Variants in RAB18 observed in about 807,000 individuals in gnomAD.
RAB18 encodes RAB18, member RAS oncogene family.
In RAB18, 10 loss-of-function variants were observed where a neutral mutation model predicts 28.5. The ratio of observed to expected loss-of-function variants is 0.35; its 90% CI spans 0.22 to 0.60. The LOEUF (loss-of-function observed/expected upper bound fraction) is 0.60. Ranked by LOEUF, RAB18 falls within the 20% of genes least tolerant of loss-of-function variation. The pLI is 0.78. For missense variants in RAB18, 188 were observed against 244.2 expected, an observed-to-expected ratio of 0.77 and a Z score of 1.53; for synonymous variants, 93 against 86.9, an observed-to-expected ratio of 1.07 and a Z score of -0.39.
intron 2 of RAB18, among the ~76,000 whole-genome samples, chr10:27,519,789 C>T (rs1834510167): frequency 6.6e-6 from 1 of 152,052 alleles, no homozygotes; most frequent in Non-Finnish European, 1.5e-5. Context: ...TATCAAAATC[C>T]CAGCAGGCTT....
chr10:27,518,179 A>C (rs1834476745), intron 2 of RAB18, among the ~76,000 whole-genome samples: 1 of 152,194 alleles, frequency 6.6e-6, no homozygotes, highest in Non-Finnish European at 1.5e-5. Context: ...AGTGATTATG[A>C]ATAGTCCTGT....
chr10:27,527,534 C>T (rs948527963), intron 3 of RAB18, among the ~76,000 whole-genome samples: 29 of 151,656 alleles, frequency 1.9e-4, no homozygotes, highest in Admixed American at 7.9e-4. Flanking sequence ...ATTTACCCAC[C>T]CACATACCGA....
chr10:27,526,323 T>G (rs555876859), intron 2 of RAB18, among the ~76,000 whole-genome samples: 2 of 152,298 alleles, frequency 1.3e-5, no homozygotes, highest in South Asian at 2.1e-4. Context: ...AATAAAGAGA[T>G]TATATGACAA....
intron 2 of RAB18, among the ~76,000 whole-genome samples, chr10:27,516,392 C>G (rs1834438005): frequency 6.6e-6 from 1 of 151,730 alleles, no homozygotes; most frequent in African/African-American, 2.4e-5. Flanking sequence ...CTCCCATCTC[C>G]CCTAAAAATA....
rs759348024 is a variant in RAB18, at chr10:27,541,732, A to G, written c.*3681A>G. 2.9e-5 allele frequency: 13 copies of G among 450,150 alleles called. No individual in the cohort carries two copies. The highest frequency in any genetic ancestry group is 1.9e-4 in the South Asian group (12 of 64,142). 27.9% of individuals were successfully genotyped at this position (450,150 alleles called of 1,614,324 possible). The stretch of plus-strand genomic sequence containing the variant: ...ACTAGTGAGCTTGAGTACTTTTAAT[A>G]TTTTATTGGATATGTTTGTGACTGA... On this transcript the variant is annotated 3_prime_UTR_variant, in exon 7 of 7. Transcript: ENST00000356940.
chr10:27,508,621 G>T (rs935531190), intron 1 of RAB18, among the ~76,000 whole-genome samples: 2 of 152,142 alleles, frequency 1.3e-5, no homozygotes, highest in Admixed American at 6.5e-5. Context: ...ATGTTAAGTA[G>T]ATAAATCTAG....
intron 1 of RAB18, among the ~76,000 whole-genome samples, chr10:27,507,950 G>A (rs1013795935): frequency 6.6e-6 from 1 of 151,784 alleles, no homozygotes; most frequent in Non-Finnish European, 1.5e-5. Context: ...GGCTAAGGTG[G>A]GAGGATTAGT....
chr10:27,508,459 A>T (rs1837906986), intron 1 of RAB18, among the ~76,000 whole-genome samples: 1 of 152,084 alleles, frequency 6.6e-6, no homozygotes, highest in Non-Finnish European at 1.5e-5. Context: ...TTGTAGTAAT[A>T]TTTTCTGTGG....
In RAB18 at chr10:27,538,184, C is replaced by A; in HGVS notation, c.*133C>A. 8.3e-7 allele frequency: 1 copy of A among 1,209,630 alleles called. No individual in the cohort carries two copies. The highest frequency in any genetic ancestry group is 1.2e-6 in the Non-Finnish European group (1 of 838,144). The allele number at this position is 1,209,630 out of a possible 1,614,324, so 74.9% of individuals were successfully genotyped here. ...TTTATATCATAGCAGTAAATATTTG[C>A]AAGAAATCCCACTCATCGACCCCGG... On this transcript the variant is annotated 3_prime_UTR_variant, in exon 7 of 7. Transcript: ENST00000356940.
intron 2 of RAB18, chr10:27,510,627 AAT>A (rs1834306278): frequency 6.6e-6 from 1 of 152,418 alleles, no homozygotes; most frequent in South Asian, 2.1e-4. Flanking sequence ...AGAGCTAGAT[AAT>A]AGTCTTGGTT....
intron 2 of RAB18, chr10:27,514,107 G>A (rs1327934837): frequency 6.6e-6 from 1 of 152,150 alleles, no homozygotes; most frequent in Non-Finnish European, 1.5e-5. Flanking sequence ...AGGCACTCTG[G>A]CCTTCTGCAT....
intron 3 of RAB18, among the ~76,000 whole-genome samples, chr10:27,529,177 T>C (rs1448784873): frequency 6.6e-6 from 1 of 151,420 alleles, no homozygotes; most frequent in East Asian, 1.9e-4. Flanking sequence ...ATGCTACAGA[T>C]TTTTTTTTCC....
intron 3 of RAB18, 68 bp downstream of exon 3, chr10:27,526,957 G>T (rs934638739): frequency 8.0e-6 from 12 of 1,498,032 alleles, no homozygotes; most frequent in Non-Finnish European, 1.0e-5. Flanking sequence ...AAATTGATTT[G>T]TGTAGTGTTC....
At chr10:27,512,721 C>T (rs1369807206) in intron 2 of RAB18, among the ~76,000 whole-genome samples, 1 of 152,026 alleles carries the variant, frequency 6.6e-6, no homozygotes, top group African/African-American at 2.4e-5. Flanking sequence ...TAGCAACTGG[C>T]AGGAAAATAA....
Sources: allele counts gnomAD v4.1 joint callset (sites outside exome capture counted in the v4.1 genomes callset), GRCh38; gene constraint gnomAD v4.1.1; transcripts MANE v1.5; gene names NCBI Gene and HGNC (gene_info 2026-07-23, HGNC 2026-07-21).